Variants in SMYD3 observed in about 807,000 individuals in gnomAD.
The protein encoded by SMYD3 is SET and MYND domain containing 3, also known as histone-lysine N-methyltransferase SMYD3.
Under a neutral mutation model 57.7 loss-of-function variants are expected in SMYD3, and 36 were observed. The observed-to-expected ratio is 0.62, with a 90% CI of 0.48 to 0.82. The LOEUF (loss-of-function observed/expected upper bound fraction) is 0.82. SMYD3 is among the 40% of genes least tolerant of loss of function. The probability of loss-of-function intolerance (pLI) is 0.00; values close to 1 mark genes in which losing one functional copy is unlikely to be tolerated. For missense variants in SMYD3, 515 were observed against 538.8 expected, an observed-to-expected ratio of 0.96 and a Z score of 0.44; for synonymous variants, 211 against 195.0, an observed-to-expected ratio of 1.08 and a Z score of -0.68.
intron 1 of SMYD3, among the ~76,000 whole-genome samples, chr1:246,443,451 T>G (rs960846318): frequency 2.0e-5 from 3 of 152,226 alleles, no homozygotes; most frequent in African/African-American, 7.2e-5. Context: ...AGAAGCAGCC[T>G]CTCAGAAAAG....
chr1:246,323,150 C>A (rs1178623686), intron 5 of SMYD3, among the ~76,000 whole-genome samples: 1 of 152,180 alleles, frequency 6.6e-6, no homozygotes, highest in Non-Finnish European at 1.5e-5. Flanking sequence ...AAAATTCCTC[C>A]TTCCTATGGC....
chr1:246,451,712 G>A (rs928023801), intron 1 of SMYD3, among the ~76,000 whole-genome samples: 4 of 152,234 alleles, frequency 2.6e-5, no homozygotes, highest in Non-Finnish European at 5.9e-5. Context: ...CATTGTAGGG[G>A]AGGCTGTGCA....
intron 5 of SMYD3, among the ~76,000 whole-genome samples, chr1:246,286,173 C>T (rs948399144): frequency 1.3e-5 from 2 of 152,178 alleles, no homozygotes; most frequent in Non-Finnish European, 2.9e-5. Flanking sequence ...ATGAGAAAGA[C>T]ACTTGAGGTT....
At chr1:246,363,522 G>C (rs568228077) in intron 1 of SMYD3, among the ~76,000 whole-genome samples, 1 of 152,222 alleles carries the variant, frequency 6.6e-6, no homozygotes, top group Non-Finnish European at 1.5e-5. Context: ...GATGGTTGCC[G>C]TGTCTGTGTA....
intron 5 of SMYD3, among the ~76,000 whole-genome samples, chr1:246,227,450 T>C (rs1282643658): frequency 6.6e-6 from 1 of 151,956 alleles, no homozygotes; most frequent in South Asian, 2.1e-4. Flanking sequence ...CCTGTCTCTA[T>C]TAAAAATACA....
At chr1:245,794,537 T>C (rs1219811818) in intron 10 of SMYD3, among the ~76,000 whole-genome samples, 2 of 152,210 alleles carry the variant, frequency 1.3e-5, no homozygotes, top group Non-Finnish European at 2.9e-5. Flanking sequence ...ACTCAGTACT[T>C]GGGGGTATGC....
rs1178171813 is a variant in SMYD3 at position 246,180,462 on chromosome 1, A to C, written c.531+146739T>G. Among the ~76,000 whole-genome samples, 5 of 149,702 alleles carry C rather than the reference A, an allele frequency of 3.3e-5. No homozygotes were observed. The South Asian group carries it at 1.1e-3, about 32-fold the overall frequency. Reference sequence around the variant, plus strand: ...CAAATGTTTGCCACCTGATTTTAAAACTCAGGAGGGTTAGGCCGGGTGTGG... The same window carrying C: ...CAAATGTTTGCCACCTGATTTTAAACCTCAGGAGGGTTAGGCCGGGTGTGG... On this transcript the variant is annotated intron_variant, in intron 5 of 11. Coordinates refer to ENST00000490107, the MANE Select transcript of SMYD3 (RefSeq NM_001167740.2).
intron 10 of SMYD3, among the ~76,000 whole-genome samples, chr1:245,824,310 G>C (rs1488705268): frequency 6.6e-6 from 1 of 152,216 alleles, no homozygotes; most frequent in African/African-American, 2.4e-5. Flanking sequence ...TTCCATACTG[G>C]GCACCCACTA....
intron 1 of SMYD3, among the ~76,000 whole-genome samples, chr1:246,363,372 G>A (rs2066039214): frequency 6.6e-6 from 1 of 151,992 alleles, no homozygotes; most frequent in African/African-American, 2.4e-5. Context: ...CGCCCCTACT[G>A]GGAAGTGAGG....
intron 2 of SMYD3, among the ~76,000 whole-genome samples, chr1:246,337,449 A>G (rs1305271470): frequency 6.6e-6 from 1 of 152,170 alleles, no homozygotes; most frequent in Non-Finnish European, 1.5e-5. Flanking sequence ...ACAAATTTAC[A>G]TTCATTTGCA....
At chr1:246,149,586 T>TA (rs200737545) in intron 5 of SMYD3, among the ~76,000 whole-genome samples, 4 of 151,836 alleles carry the variant, frequency 2.6e-5, no homozygotes, top group African/African-American at 7.3e-5. Context: ...ATGAGGCAGA[T>TA]AAAAAAAAGC....
chr1:245,806,685 T>C (rs544382289), intron 10 of SMYD3, among the ~76,000 whole-genome samples: 157 of 145,620 alleles, frequency 1.1e-3, no homozygotes, highest in Middle Eastern at 3.6e-3. Context: ...CCGAGGCGGG[T>C]GGATCATGAG....
intron 8 of SMYD3, among the ~76,000 whole-genome samples, chr1:245,901,515 A>G (rs1000471037): frequency 6.6e-6 from 1 of 152,228 alleles, no homozygotes; most frequent in African/African-American, 2.4e-5. Flanking sequence ...CCTTTCTCAG[A>G]GTAAAAGTTG....
intron 5 of SMYD3, among the ~76,000 whole-genome samples, chr1:246,001,685 T>A (rs2059048710): frequency 1.3e-5 from 2 of 152,238 alleles, no homozygotes; most frequent in African/African-American, 4.8e-5. Flanking sequence ...TTTTCCATGA[T>A]CCTCTTTTTG....
At chr1:246,408,402 GT>G (rs2066904493) in intron 1 of SMYD3, among the ~76,000 whole-genome samples, 1 of 152,094 alleles carries the variant, frequency 6.6e-6, no homozygotes, top group South Asian at 2.1e-4. Context: ...ATAAAAAGGG[GT>G]TTTGTGCTTA....
chr1:246,257,264 T>C (rs546960561), intron 5 of SMYD3, among the ~76,000 whole-genome samples: 1 of 152,306 alleles, frequency 6.6e-6, no homozygotes, highest in Non-Finnish European at 1.5e-5. Flanking sequence ...GTGTTGAATT[T>C]CCCCACTATT....
chr1:246,247,912 G>A (rs1024466263), intron 5 of SMYD3, among the ~76,000 whole-genome samples: 6 of 152,118 alleles, frequency 3.9e-5, no homozygotes, highest in Admixed American at 2.6e-4. Context: ...ATGAGCAAAC[G>A]CTATCTGAGA....
chr1:245,978,487 A>G (rs2148058935), intron 5 of SMYD3, among the ~76,000 whole-genome samples: 1 of 152,358 alleles, frequency 6.6e-6, no homozygotes, highest in East Asian at 1.9e-4. Context: ...TCCAGAATTA[A>G]AGAGCTGTTT....
intron 8 of SMYD3, among the ~76,000 whole-genome samples, chr1:245,895,759 A>C (rs979702481): frequency 2.6e-5 from 4 of 152,254 alleles, no homozygotes; most frequent in African/African-American, 9.6e-5. Flanking sequence ...GAATCAAGGC[A>C]GTTCCCACAC....
Sources: gnomAD v4.1 joint callset for allele counts (sites outside exome capture counted in the v4.1 genomes callset) on GRCh38, gnomAD v4.1.1 for gene constraint, MANE v1.5 for transcripts, NCBI Gene and HGNC (gene_info 2026-07-23, HGNC 2026-07-21) for gene names.